ADGRL2: variants seen among roughly 807,000 people sequenced by gnomAD.
The protein encoded by ADGRL2 is calcium-independent alpha-latrotoxin receptor 2.
In ADGRL2, 44 loss-of-function variants were observed where a neutral mutation model predicts 157.4. That is an observed-to-expected ratio of 0.28 (90% CI 0.22 to 0.36). The LOEUF (loss-of-function observed/expected upper bound fraction) is 0.36. ADGRL2 is among the 10% of genes least tolerant of loss of function. ADGRL2 has a pLI of 1.00. For synonymous variants in ADGRL2, 585 were observed against 624.7 expected (o/e 0.94, Z 0.95); for missense variants, 1,510 against 1,768.9 (o/e 0.85, Z 2.63).
intron 2 of ADGRL2, among the ~76,000 whole-genome samples, chr1:81,503,914 G>A (rs1487472206): frequency 6.6e-6 from 1 of 152,198 alleles, no homozygotes; most frequent in Non-Finnish European, 1.5e-5. Flanking sequence ...CCCATGTGGG[G>A]CTGCCAGGAG....
chr1:81,345,657 T>A (rs1333376551), intron 1 of ADGRL2, among the ~76,000 whole-genome samples: 3 of 152,164 alleles, frequency 2.0e-5, no homozygotes, highest in African/African-American at 7.2e-5. Context: ...GTGAATTGTT[T>A]TAGTCAACTA....
chr1:81,427,859 A>G (rs1046187607), intron 1 of ADGRL2, among the ~76,000 whole-genome samples: 1 of 152,216 alleles, frequency 6.6e-6, no homozygotes, highest in African/African-American at 2.4e-5. Flanking sequence ...TGTCAATTAC[A>G]TGTATACTCC....
chr1:81,408,710 T>C (rs1453200062), intron 1 of ADGRL2, among the ~76,000 whole-genome samples: 1 of 152,150 alleles, frequency 6.6e-6, no homozygotes, highest in East Asian at 1.9e-4. Context: ...ACCTGCCCAA[T>C]GCACAAACTA....
chr1:81,805,013 T>A (rs1260307422), intron 1 of ADGRL2, among the ~76,000 whole-genome samples: 1 of 152,198 alleles, frequency 6.6e-6, no homozygotes, highest in Non-Finnish European at 1.5e-5. Flanking sequence ...TTTTTTTAAG[T>A]GAAGATTCAA....
At chr1:81,530,799 C>T (rs1360317541) in intron 2 of ADGRL2, among the ~76,000 whole-genome samples, 1 of 151,972 alleles carries the variant, frequency 6.6e-6, no homozygotes, top group Non-Finnish European at 1.5e-5. Context: ...AAGTTAAATA[C>T]CTGGGCTGGG....
At chr1:81,877,383 A>T (rs1341021509) in intron 2 of ADGRL2, among the ~76,000 whole-genome samples, 1 of 152,116 alleles carries the variant, frequency 6.6e-6, no homozygotes. Flanking sequence ...GGATTAAAAT[A>T]TTACTATTAG....
At chr1:81,949,550 A>G (rs1275213458) in intron 6 of ADGRL2, among the ~76,000 whole-genome samples, 1 of 152,164 alleles carries the variant, frequency 6.6e-6, no homozygotes. Flanking sequence ...CTGCTTCTTC[A>G]TACCTACCTT....
intron 3 of ADGRL2, among the ~76,000 whole-genome samples, chr1:81,594,230 T>C (rs1363266758): frequency 6.6e-6 from 1 of 152,046 alleles, no homozygotes; most frequent in East Asian, 1.9e-4. Context: ...AACAAGCAAA[T>C]AGGAATCAAG....
intron 2 of ADGRL2, among the ~76,000 whole-genome samples, chr1:81,572,132 G>T (rs912836762): frequency 6.6e-6 from 1 of 152,218 alleles, no homozygotes; most frequent in South Asian, 2.1e-4. Flanking sequence ...AGACAATAGA[G>T]TAATTGGTGA....
chr1:81,885,316 C>T (rs1479453734), intron 2 of ADGRL2, among the ~76,000 whole-genome samples: 3 of 151,970 alleles, frequency 2.0e-5, no homozygotes, highest in Non-Finnish European at 4.4e-5. Context: ...TCTCTATTTT[C>T]AGAGGAATTT....
chr1:81,902,912 A>G (rs1557877219), intron 2 of ADGRL2, among the ~76,000 whole-genome samples: 2 of 152,212 alleles, frequency 1.3e-5, no homozygotes, highest in South Asian at 4.1e-4. Context: ...CACAATCTAT[A>G]TGGATGTGCA....
chr1:81,614,897 C>CA (rs1341482284), intron 3 of ADGRL2, among the ~76,000 whole-genome samples: 4 of 151,740 alleles, frequency 2.6e-5, no homozygotes, highest in African/African-American at 9.7e-5. Context: ...CCTGTAGTCC[C>CA]AGCTATTCAG....
At chr1:81,560,300 T>C (rs1019356186) in intron 2 of ADGRL2, among the ~76,000 whole-genome samples, 2 of 152,204 alleles carry the variant, frequency 1.3e-5, no homozygotes, top group African/African-American at 4.8e-5. Flanking sequence ...TGTGGCTCAC[T>C]GTCTGTATGT....
chr1:81,362,907 T>C (rs1467057670), intron 1 of ADGRL2, among the ~76,000 whole-genome samples: 1 of 152,064 alleles, frequency 6.6e-6, no homozygotes, highest in Non-Finnish European at 1.5e-5. Flanking sequence ...TTAATAATTG[T>C]AAGCCTCTTG....
At chr1:81,364,998 G>A (rs914135948) in intron 1 of ADGRL2, among the ~76,000 whole-genome samples, 6 of 152,076 alleles carry the variant, frequency 3.9e-5, no homozygotes, top group Admixed American at 6.6e-5. Context: ...ACTTATTTGA[G>A]TCTTGTATTG....
Position 81,684,074 on chromosome 1 carries a change from C to A in ADGRL2, c.-142-77737C>A, listed in dbSNP as rs574421579. Reference sequence around the variant, plus strand: ...TCGTGATCCGCCTGCCTCAGCCTCCCGAAGTGCTGGGATTACAGGCGTGAG... The same window carrying A: ...TCGTGATCCGCCTGCCTCAGCCTCCAGAAGTGCTGGGATTACAGGCGTGAG... On this transcript the variant is annotated intron_variant, in intron 3 of 24. Coordinates refer to the ADGRL2 transcript ENST00000370721. Among the ~76,000 whole-genome samples the A allele has an allele frequency of 4.1e-4, 62 of 152,202 alleles. 1 individual carries two copies. In the East Asian group the frequency reaches 8.3e-3, roughly 20 times the overall value.
At chr1:81,406,042 C>G (rs1473347634) in intron 1 of ADGRL2, among the ~76,000 whole-genome samples, 1 of 152,096 alleles carries the variant, frequency 6.6e-6, no homozygotes, top group Admixed American at 6.6e-5. Flanking sequence ...TGAGAAGAGA[C>G]TTTGAAAAAT....
intron 1 of ADGRL2, among the ~76,000 whole-genome samples, chr1:81,734,097 A>G (rs12760139): frequency 0.084 from 12,772 of 151,746 alleles, 723 homozygotes; most frequent in South Asian, 0.15. Flanking sequence ...ACCAACATGG[A>G]GAAACCCTGT....
intron 2 of ADGRL2, among the ~76,000 whole-genome samples, chr1:81,456,051 A>C (rs1287754917): frequency 6.6e-6 from 1 of 152,232 alleles, no homozygotes; most frequent in East Asian, 1.9e-4. Flanking sequence ...AAAGCCTAAT[A>C]CATTTGGAAG....
Sources: allele counts gnomAD v4.1 joint callset (sites outside exome capture counted in the v4.1 genomes callset), GRCh38; gene constraint gnomAD v4.1.1; transcripts MANE v1.5; gene names NCBI Gene and HGNC (gene_info 2026-07-23, HGNC 2026-07-21).